Variants in IMMP2L observed in about 807,000 individuals in gnomAD.
The protein encoded by IMMP2L is inner mitochondrial membrane peptidase subunit 2, also known as mitochondrial inner membrane protease subunit 2.
IMMP2L carries 18 observed loss-of-function variants against 19.3 expected under a neutral mutation model. The ratio of observed to expected loss-of-function variants is 0.93; its 90% CI spans 0.64 to 1.38. The LOEUF is 1.38. IMMP2L is among the 40% of genes most tolerant of loss of function. The probability of loss-of-function intolerance (pLI) is 0.00; values close to 1 mark genes in which losing one functional copy is unlikely to be tolerated. For synonymous variants in IMMP2L, 76 were observed against 73.0 expected, an observed-to-expected ratio of 1.04 and a Z score of -0.21; for missense variants, 233 against 218.2, an observed-to-expected ratio of 1.07 and a Z score of -0.43.
chr7:111,379,427 A>C (rs1410006329), intron 3 of IMMP2L, among the ~76,000 whole-genome samples: 1 of 151,796 alleles, frequency 6.6e-6, no homozygotes, highest in Non-Finnish European at 1.5e-5. Flanking sequence ...AAAACTGCAA[A>C]ATATGTCAAG....
intron 3 of IMMP2L, among the ~76,000 whole-genome samples, chr7:111,041,133 G>A (rs1791855208): frequency 6.6e-6 from 1 of 151,964 alleles, no homozygotes; most frequent in Non-Finnish European, 1.5e-5. Context: ...TTATGACCAT[G>A]TACCACCTAA....
At chr7:111,126,783 G>T (rs1281391048) in intron 3 of IMMP2L, among the ~76,000 whole-genome samples, 3 of 152,082 alleles carry the variant, frequency 2.0e-5, no homozygotes, top group Admixed American at 2.0e-4. Flanking sequence ...AAATACCACA[G>T]TTTTTATAGG....
chr7:111,444,925 T>C (rs554295133), intron 3 of IMMP2L, among the ~76,000 whole-genome samples: 3 of 152,138 alleles, frequency 2.0e-5, no homozygotes, highest in African/African-American at 7.2e-5. Context: ...CAGTGATACA[T>C]GAAATACTTT....
chr7:110,932,623 G>C (rs1398903606), intron 4 of IMMP2L, among the ~76,000 whole-genome samples: 1 of 152,110 alleles, frequency 6.6e-6, no homozygotes, highest in African/African-American at 2.4e-5. Context: ...CAAAGTGCTG[G>C]GATTATAGGC....
chr7:111,177,423 C>T (rs1807198571), intron 3 of IMMP2L, among the ~76,000 whole-genome samples: 2 of 152,152 alleles, frequency 1.3e-5, no homozygotes, highest in Admixed American at 6.6e-5. Context: ...TCAAACAATC[C>T]TTCTGCCTCA....
intron 3 of IMMP2L, among the ~76,000 whole-genome samples, chr7:111,027,084 T>C (rs1276580551): frequency 6.6e-6 from 1 of 152,170 alleles, no homozygotes. Flanking sequence ...AGTCTCTAAC[T>C]GCTAACTCAC....
chr7:110,932,853 T>A (rs936325244), intron 4 of IMMP2L, among the ~76,000 whole-genome samples: 3 of 152,166 alleles, frequency 2.0e-5, no homozygotes, highest in African/African-American at 4.8e-5. Flanking sequence ...GGGTAAAAAA[T>A]TCCATGTTGC....
chr7:111,556,252 A>G (rs1791347916), intron 1 of IMMP2L, among the ~76,000 whole-genome samples: 1 of 151,702 alleles, frequency 6.6e-6, no homozygotes, highest in Non-Finnish European at 1.5e-5. Flanking sequence ...CATCAGTACT[A>G]TATAATACTG....
At chr7:110,994,932 A>T (rs1822878022) in intron 3 of IMMP2L, among the ~76,000 whole-genome samples, 1 of 152,176 alleles carries the variant, frequency 6.6e-6, no homozygotes, top group Non-Finnish European at 1.5e-5. Flanking sequence ...AGAAATAAAG[A>T]AACATATTTT....
In IMMP2L at chr7:111,521,429, AC is replaced by A; in HGVS notation, c.18del (p.Trp7GlyfsTer2). 1 of 1,610,994 alleles carries A rather than the reference AC, an allele frequency of 6.2e-7. No individual in the cohort carries two copies. The highest frequency in any genetic ancestry group is 2.2e-5 in the East Asian group (1 of 44,836). On this transcript the variant is annotated frameshift_variant, in exon 2 of 6. Transcript: ENST00000405709. LOFTEE classifies it high-confidence loss of function. The part of the protein sequence containing the change: MAQSQ[G>X]WVKRYIKAFC... ...AAGGCCTTGATGTATCTTTTCACCC[AC>A]CCTTGTGACTGTGCCATACCTAAAA... is the stretch of plus-strand genomic sequence containing the variant.
chr7:111,044,376 A>G (rs1792183241), intron 3 of IMMP2L, among the ~76,000 whole-genome samples: 1 of 152,152 alleles, frequency 6.6e-6, no homozygotes, highest in Non-Finnish European at 1.5e-5. Flanking sequence ...CCTGGCCAAC[A>G]TGGTGAAACC....
At chr7:111,086,751 T>C (rs2045069419) in intron 3 of IMMP2L, among the ~76,000 whole-genome samples, 1 of 152,246 alleles carries the variant, frequency 6.6e-6, no homozygotes, top group Non-Finnish European at 1.5e-5. Context: ...TTTAGCTTTC[T>C]GAGCATATCG....
chr7:111,217,012 T>C (rs914265272), intron 3 of IMMP2L, among the ~76,000 whole-genome samples: 3 of 151,976 alleles, frequency 2.0e-5, no homozygotes, highest in Non-Finnish European at 4.4e-5. Flanking sequence ...TAATTTTCCC[T>C]TTGGAATTTT....
At chr7:111,542,965 G>A (rs1406875995) in intron 1 of IMMP2L, among the ~76,000 whole-genome samples, 1 of 152,038 alleles carries the variant, frequency 6.6e-6, no homozygotes, top group Non-Finnish European at 1.5e-5. Flanking sequence ...CTGCCCTTTT[G>A]CAATTTATCT....
intron 3 of IMMP2L, among the ~76,000 whole-genome samples, chr7:111,423,288 T>A (rs1452646549): frequency 6.6e-6 from 1 of 151,956 alleles, no homozygotes; most frequent in East Asian, 1.9e-4. Context: ...TCAGAAGGAA[T>A]GGTACCAGCT....
intron 3 of IMMP2L, among the ~76,000 whole-genome samples, chr7:111,474,110 G>T (rs1264120797): frequency 6.6e-6 from 1 of 152,086 alleles, no homozygotes; most frequent in East Asian, 1.9e-4. Context: ...TTAAAAGTGG[G>T]AGCTAAACAT....
intron 3 of IMMP2L, among the ~76,000 whole-genome samples, chr7:111,333,592 G>A (rs1826092825): frequency 6.6e-6 from 1 of 152,088 alleles, no homozygotes; most frequent in South Asian, 2.1e-4. Flanking sequence ...GTGTGTCTGT[G>A]AGGGTGCTAC....
chr7:110,985,620 G>A (rs1322770657), intron 3 of IMMP2L, among the ~76,000 whole-genome samples: 1 of 152,008 alleles, frequency 6.6e-6, no homozygotes, highest in Non-Finnish European at 1.5e-5. Context: ...GTGTGTGAAT[G>A]TTTTAATTTT....
chr7:111,104,796 C>T (rs1301741642), intron 3 of IMMP2L, among the ~76,000 whole-genome samples: 2 of 151,652 alleles, frequency 1.3e-5, no homozygotes, highest in Admixed American at 6.6e-5. Flanking sequence ...CATAGAAATA[C>T]CCAGCCTCGC....
Sources: allele counts gnomAD v4.1 joint callset (sites outside exome capture counted in the v4.1 genomes callset), GRCh38; gene constraint gnomAD v4.1.1; transcripts MANE v1.5; gene names NCBI Gene and HGNC (gene_info 2026-07-23, HGNC 2026-07-21).